CHN1: variants seen among roughly 807,000 people sequenced by gnomAD.
The protein encoded by CHN1 is chimerin 1.
CHN1 carries 37 observed loss-of-function variants against 59.5 expected under a neutral mutation model. The observed-to-expected ratio is 0.62, with a 90% CI of 0.48 to 0.82. The LOEUF (loss-of-function observed/expected upper bound fraction) is 0.82, where lower values mean the gene tolerates loss of function less well. Ranked by LOEUF, CHN1 falls within the 40% of genes least tolerant of loss-of-function variation. The probability of loss-of-function intolerance (pLI) is 0.00; values close to 1 mark genes in which losing one functional copy is unlikely to be tolerated. For missense variants in CHN1, 469 were observed against 571.0 expected, an observed-to-expected ratio of 0.82 and a Z score of 1.82; for synonymous variants, 206 against 200.4, an observed-to-expected ratio of 1.03 and a Z score of -0.24.
intron 6 of CHN1, among the ~76,000 whole-genome samples, chr2:174,870,128 T>C (rs948707982): frequency 6.6e-6 from 1 of 152,158 alleles, no homozygotes; most frequent in African/African-American, 2.4e-5. Context: ...TGAATGGTGT[T>C]AGAAGCTAAC....
At chr2:174,887,138 C>T (rs1048072283) in intron 5 of CHN1, among the ~76,000 whole-genome samples, 1 of 152,022 alleles carries the variant, frequency 6.6e-6, no homozygotes, top group East Asian at 1.9e-4. Flanking sequence ...AAGCTGATGG[C>T]GATTCTTCTT....
chr2:175,002,240 C>T lies in CHN1; in HGVS notation c.19+2654G>A, dbSNP rs141928605. Among the ~76,000 whole-genome samples the T allele has an allele frequency of 5.0e-3, 759 of 152,260 alleles. 6 individuals are homozygous for T. Among genetic ancestry groups the T allele is most frequent in the African/African-American group, 0.017 (716 of 41,550 alleles). ...AGTTCATTTGAAAGGAGAAGAAAAA[C>T]GGGTGCAAATTCTTAAGCTTTCAAA... On this transcript the variant is annotated intron_variant, in intron 1 of 12. Transcript: ENST00000409900.
At chr2:174,818,767 C>A (rs536252186) in intron 8 of CHN1, among the ~76,000 whole-genome samples, 8 of 152,168 alleles carry the variant, frequency 5.3e-5, no homozygotes, top group African/African-American at 1.7e-4. Context: ...TAAAATATTT[C>A]TATTACTTAG....
At chr2:174,982,664 ACT>A (rs1316441588) in intron 1 of CHN1, among the ~76,000 whole-genome samples, 2 of 151,664 alleles carry the variant, frequency 1.3e-5, no homozygotes, top group Non-Finnish European at 2.9e-5. Context: ...CCACCCATTC[ACT>A]CTCTTCCTCC....
At chr2:174,957,714 C>T (rs1358674268) in intron 1 of CHN1, among the ~76,000 whole-genome samples, 1 of 152,098 alleles carries the variant, frequency 6.6e-6, no homozygotes, top group Admixed American at 6.6e-5. Flanking sequence ...CAGGTACCTC[C>T]TGATCCACTG....
chr2:174,884,567 T>C, intron 5 of CHN1, among the ~76,000 whole-genome samples: 1 of 152,200 alleles, frequency 6.6e-6, no homozygotes, highest in East Asian at 1.9e-4. Flanking sequence ...TTTACTAAAG[T>C]TGAATATATA....
intron 1 of CHN1, among the ~76,000 whole-genome samples, chr2:174,988,321 C>T (rs1309842658): frequency 6.7e-6 from 1 of 148,220 alleles, no homozygotes; most frequent in African/African-American, 2.5e-5. Flanking sequence ...CGCGCCACTG[C>T]ACTCCAGCCT....
chr2:174,836,091 C>A (rs201930226), intron 7 of CHN1, among the ~76,000 whole-genome samples: 1 of 152,192 alleles, frequency 6.6e-6, no homozygotes, highest in East Asian at 1.9e-4. Context: ...ACCTCCCCCA[C>A]GACCCCACCC....
chr2:174,853,360 A>C lies in CHN1; in HGVS notation c.550-6403T>G, dbSNP rs554562231. On this transcript the variant is annotated intron_variant, in intron 6 of 12. Coordinates refer to ENST00000409900, the MANE Select transcript of CHN1 (RefSeq NM_001822.7). ...TATGAAAAAATGCTTATCATCACTA[A>C]TCATCAGAGAAATGCAAATCAGAAC... Among the ~76,000 whole-genome samples the C allele has an allele frequency of 2.6e-5, 4 of 152,294 alleles. No homozygotes were observed. The South Asian group carries it at 8.3e-4, about 32-fold the overall frequency.
rs951632703 is a variant in CHN1 at position 174,835,943 on chromosome 2, T to C, written c.627+10937A>G. Among the ~76,000 whole-genome samples, 68 of 152,324 alleles carry C rather than the reference T, an allele frequency of 4.5e-4. 1 individual carries two copies. Among genetic ancestry groups the C allele is most frequent in the African/African-American group, 1.6e-3 (65 of 41,572 alleles). On this transcript the variant is annotated intron_variant, in intron 7 of 12. Transcript: ENST00000409900. Reference sequence around the variant, plus strand: ...CTATTGCTTTCTGGTGGTTTCCCAATAGTTTCTTCCCACATATATGCAGAT... The same window carrying C: ...CTATTGCTTTCTGGTGGTTTCCCAACAGTTTCTTCCCACATATATGCAGAT...
At chr2:174,911,977 T>G (rs1160945079) in intron 5 of CHN1, among the ~76,000 whole-genome samples, 1 of 152,100 alleles carries the variant, frequency 6.6e-6, no homozygotes, top group Non-Finnish European at 1.5e-5. Flanking sequence ...AAAGGAGAGG[T>G]AATTTTGAGA....
chr2:174,900,257 G>A (rs939981508), intron 5 of CHN1, among the ~76,000 whole-genome samples: 3 of 152,152 alleles, frequency 2.0e-5, no homozygotes, highest in African/African-American at 7.2e-5. Flanking sequence ...CTGGGACCCG[G>A]AGAAGGGAGG....
intron 8 of CHN1, among the ~76,000 whole-genome samples, chr2:174,823,896 A>G (rs1314889994): frequency 6.6e-6 from 1 of 152,222 alleles, no homozygotes; most frequent in Non-Finnish European, 1.5e-5. Flanking sequence ...TGATTTCAAA[A>G]CATCACACAG....
At chr2:174,824,697 T>C (rs1248721750) in intron 7 of CHN1, among the ~76,000 whole-genome samples, 179 bp from the exon 8 acceptor site, 1 of 152,036 alleles carries the variant, frequency 6.6e-6, no homozygotes, top group Non-Finnish European at 1.5e-5. Context: ...CACAGCTCAC[T>C]GAGGCCTCCC....
chr2:175,000,233 T>G (rs1007457920), intron 1 of CHN1, among the ~76,000 whole-genome samples: 1 of 149,758 alleles, frequency 6.7e-6, no homozygotes, highest in Non-Finnish European at 1.5e-5. Context: ...CTCTACCTCC[T>G]GGGGTTCAAG....
intron 5 of CHN1, among the ~76,000 whole-genome samples, chr2:174,887,492 A>G (rs1433655473): frequency 6.6e-6 from 1 of 152,140 alleles, no homozygotes; most frequent in East Asian, 1.9e-4. Flanking sequence ...TCTAGGAGGT[A>G]TTACTATTAT....
At chr2:174,999,516 C>T (rs1396365669) in intron 1 of CHN1, among the ~76,000 whole-genome samples, 1 of 152,134 alleles carries the variant, frequency 6.6e-6, no homozygotes, top group Non-Finnish European at 1.5e-5. Context: ...TATGAAAAAC[C>T]TATAACTTAT....
At chr2:174,830,009 G>A (rs186919657) in intron 7 of CHN1, among the ~76,000 whole-genome samples, 9 of 152,198 alleles carry the variant, frequency 5.9e-5, no homozygotes, top group Admixed American at 3.3e-4. Context: ...GGGCGCGGTG[G>A]CTCACGAGGT....
intron 5 of CHN1, among the ~76,000 whole-genome samples, chr2:174,902,329 T>C (rs1368180049): frequency 6.6e-6 from 1 of 152,148 alleles, no homozygotes; most frequent in Non-Finnish European, 1.5e-5. Context: ...ATGGTTTGTT[T>C]TATTAAAGAA....
Sources: gnomAD v4.1 joint callset for allele counts (sites outside exome capture counted in the v4.1 genomes callset) on GRCh38, gnomAD v4.1.1 for gene constraint, MANE v1.5 for transcripts, NCBI Gene and HGNC (gene_info 2026-07-23, HGNC 2026-07-21) for gene names.